Variants in FRMD4A observed in about 807,000 individuals in gnomAD.
FRMD4A encodes FERM domain-containing protein 4A.
A neutral mutation model predicts 129.1 loss-of-function variants in FRMD4A; 29 were observed. That is an observed-to-expected ratio of 0.22 (90% CI 0.17 to 0.31). The LOEUF (loss-of-function observed/expected upper bound fraction) is 0.31. Among genes scored for constraint, FRMD4A ranks in the 10% least tolerant of loss-of-function variants. FRMD4A has a pLI of 1.00. For synonymous variants in FRMD4A, 634 were observed against 571.6 expected, an observed-to-expected ratio of 1.11 and a Z score of -1.56; for missense variants, 1,272 against 1,375.8, an observed-to-expected ratio of 0.92 and a Z score of 1.19.
intron 1 of FRMD4A, 101 bp from the exon 2 acceptor site, chr10:14,330,284 G>A: frequency 1.6e-6 from 1 of 611,318 alleles, no homozygotes; most frequent in Non-Finnish European, 2.9e-6. Context: ...AGGGAAGACA[G>A]GGTGGGAACT....
chr10:13,946,257 C>T (rs937560329), intron 2 of FRMD4A, among the ~76,000 whole-genome samples: 6 of 152,294 alleles, frequency 3.9e-5, no homozygotes, highest in East Asian at 3.9e-4. Context: ...CTTCCCTGAA[C>T]GCAAGAATCT....
intron 2 of FRMD4A, among the ~76,000 whole-genome samples, chr10:14,300,908 A>G (rs1589283097): frequency 6.6e-6 from 1 of 152,172 alleles, no homozygotes; most frequent in East Asian, 1.9e-4. Context: ...TCATAAGGGT[A>G]TCTCTGTTTG....
intron 2 of FRMD4A, among the ~76,000 whole-genome samples, chr10:14,261,469 G>A (rs1844797899): frequency 6.6e-6 from 1 of 152,198 alleles, no homozygotes; most frequent in East Asian, 1.9e-4. Flanking sequence ...TGGCTCTAAC[G>A]CTTCTTCTTC....
rs562380547 is a variant in FRMD4A, at chr10:13,660,247, G to A, written c.1898+69C>T. 71 of 992,172 alleles carry A rather than the reference G, an allele frequency of 7.2e-5. No homozygotes were observed. In the African/African-American group the frequency reaches 9.9e-4, roughly 14 times the overall value. The allele number at this position is 992,172 out of a possible 1,614,324, so 61.5% of individuals were successfully genotyped here. On this transcript the variant is annotated intron_variant, in intron 20 of 24. Transcript: ENST00000357447. ...ATTTTGTCACCGTGGATGCTACTTG[G>A]GACGGCCCTTTGATTCTTCCAGAGC...
chr10:14,245,709 G>A (rs896578907), intron 2 of FRMD4A, among the ~76,000 whole-genome samples: 1 of 152,124 alleles, frequency 6.6e-6, no homozygotes, highest in Non-Finnish European at 1.5e-5. Context: ...GAAGACCCAG[G>A]GAGAAGACAG....
In FRMD4A at chr10:13,714,027, C is replaced by CATATATATAAAATATATATAATATATAAT. The variant is rs1554858885; in HGVS notation, c.760-6915_760-6914insATTATATATTATATATATTTTATATATAT. ...ATATAATATACATATATAAAATATA[C>CATATATATAAAATATATATAATATATAAT]ATATATATATATATATATATATATA... On this transcript the variant is annotated intron_variant, in intron 12 of 24. Coordinates refer to ENST00000357447, the MANE Select transcript of FRMD4A (RefSeq NM_018027.5). 2.1e-3 allele frequency among the ~76,000 whole-genome samples: 66 copies of CATATATATAAAATATATATAATATATAAT among 31,168 alleles called. 7 individuals carry two copies. Among genetic ancestry groups the CATATATATAAAATATATATAATATATAAT allele is most frequent in the African/African-American group, 0.011 (65 of 5,898 alleles). The allele number at this position is 31,168 out of a possible 152,430, so 20.4% of individuals were successfully genotyped here.
At chr10:14,149,849 C>T (rs930883588) in intron 2 of FRMD4A, among the ~76,000 whole-genome samples, 4 of 152,114 alleles carry the variant, frequency 2.6e-5, no homozygotes, top group African/African-American at 9.7e-5. Context: ...TCCTGTAGGT[C>T]CTGTTTTAGT....
Position 14,095,583 on chromosome 10 carries a change from C to G in FRMD4A, c.45+234475G>C, listed in dbSNP as rs76849044. Among the ~76,000 whole-genome samples the G allele has an allele frequency of 7.2e-4, 109 of 152,358 alleles. 1 individual carries two copies. Among genetic ancestry groups the G allele is most frequent in the African/African-American group, 2.5e-3 (102 of 41,588 alleles). Reference sequence around the variant, plus strand: ...TTACATACGCACTTCTAAACGCACTCTCAACCTTAGCACTTTGCAGCCTGT... The same window carrying G: ...TTACATACGCACTTCTAAACGCACTGTCAACCTTAGCACTTTGCAGCCTGT... On this transcript the variant is annotated intron_variant, in intron 2 of 24. Coordinates refer to ENST00000357447, the MANE Select transcript of FRMD4A (RefSeq NM_018027.5).
chr10:13,903,570 A>C (rs974168615), intron 2 of FRMD4A, among the ~76,000 whole-genome samples: 1 of 152,052 alleles, frequency 6.6e-6, no homozygotes. Context: ...CTCTACAAAA[A>C]ATGTTTTTAA....
At chr10:13,916,373 A>T (rs1228891392) in intron 2 of FRMD4A, among the ~76,000 whole-genome samples, 1 of 152,138 alleles carries the variant, frequency 6.6e-6, no homozygotes, top group Non-Finnish European at 1.5e-5. Flanking sequence ...TCTACTCTTA[A>T]GGCCCAGCCC....
chr10:13,668,234 T>G (rs1019677123), intron 17 of FRMD4A: 19 of 152,262 alleles, frequency 1.2e-4, no homozygotes, highest in Admixed American at 4.6e-4. Context: ...GGGAGAAGAA[T>G]ATCAACATGG....
intron 5 of FRMD4A, among the ~76,000 whole-genome samples, chr10:13,787,167 G>A (rs757650034): frequency 2.6e-5 from 4 of 152,262 alleles, no homozygotes; most frequent in East Asian, 1.9e-4. Context: ...TCCTCTCGAC[G>A]GAAGTGGAAA....
intron 2 of FRMD4A, chr10:14,083,960 C>G (rs1836090326): frequency 6.6e-6 from 1 of 152,154 alleles, no homozygotes; most frequent in Non-Finnish European, 1.5e-5. Flanking sequence ...TGAATAAAGA[C>G]TCATTTATGG....
intron 23 of FRMD4A, among the ~76,000 whole-genome samples, chr10:13,653,608 C>A (rs2097971552): frequency 6.6e-6 from 1 of 152,258 alleles, no homozygotes; most frequent in South Asian, 2.1e-4. Flanking sequence ...AGACATCCCC[C>A]TGATGCTCCA....
intron 12 of FRMD4A, among the ~76,000 whole-genome samples, chr10:13,717,976 C>T (rs3814667): frequency 0.47 from 70,728 of 151,982 alleles, 16,936 homozygotes; most frequent in South Asian, 0.63. Context: ...GATATCTGTG[C>T]GAGGCAAAAA....
Position 13,806,444 on chromosome 10 carries a change from T to C in FRMD4A, c.206+4370A>G, listed in dbSNP as rs1260371585. Among the ~76,000 whole-genome samples, 3 of 152,218 alleles carry C rather than the reference T, an allele frequency of 2.0e-5. No individual in the cohort carries two copies. The East Asian group carries it at 5.8e-4, about 29-fold the overall frequency. On this transcript the variant is annotated intron_variant, in intron 4 of 24. Coordinates refer to ENST00000357447, the MANE Select transcript of FRMD4A (RefSeq NM_018027.5). ...TTTGTACACCTGGAAACATTAAACC[T>C]GAACTTCCAAGCTTGTTCTCCTACT...
In FRMD4A at chr10:13,758,163, T is replaced by A. The variant is rs539588554; in HGVS notation, c.464+3484A>T. Reference sequence around the variant, plus strand: ...TGTAATTTGGATATAGTCCCTGAAATGTAAATATCTAGGATAATAGTATCC... The same window carrying A: ...TGTAATTTGGATATAGTCCCTGAAAAGTAAATATCTAGGATAATAGTATCC... On this transcript the variant is annotated intron_variant, in intron 8 of 24. Coordinates refer to ENST00000357447, the MANE Select transcript of FRMD4A (RefSeq NM_018027.5). Among the ~76,000 whole-genome samples the A allele has an allele frequency of 9.2e-5, 14 of 152,330 alleles. No homozygotes were observed. In the East Asian group the frequency reaches 2.7e-3, roughly 29 times the overall value.
intron 2 of FRMD4A, among the ~76,000 whole-genome samples, chr10:14,205,257 T>C (rs969613015): frequency 6.6e-6 from 1 of 152,148 alleles, no homozygotes; most frequent in Non-Finnish European, 1.5e-5. Context: ...TAGCCACATT[T>C]CAACTACTCC....
chr10:14,242,828 G>T (rs971898354), intron 2 of FRMD4A, among the ~76,000 whole-genome samples: 4 of 152,094 alleles, frequency 2.6e-5, no homozygotes, highest in African/African-American at 9.7e-5. Context: ...GAGTATGAAA[G>T]CTCCTTAAAA....
Sources: gnomAD v4.1 joint callset for allele counts (sites outside exome capture counted in the v4.1 genomes callset) on GRCh38, gnomAD v4.1.1 for gene constraint, MANE v1.5 for transcripts, NCBI Gene and HGNC (gene_info 2026-07-23, HGNC 2026-07-21) for gene names.